The following ZNF19 variants were observed in gnomAD, a reference collection of about 807,000 sequenced individuals.
ZNF19 encodes zinc finger protein 19, also known as zinc finger protein 19 (KOX 12).
A neutral mutation model predicts 13.1 loss-of-function variants in ZNF19; 11 were observed. The ratio of observed to expected loss-of-function variants is 0.84; its 90% CI spans 0.53 to 1.39. The LOEUF is 1.39. Ranked by LOEUF, ZNF19 falls within the 40% of genes most tolerant of loss-of-function variation. The probability of loss-of-function intolerance (pLI) is 0.00; values close to 1 mark genes in which losing one functional copy is unlikely to be tolerated. For synonymous variants in ZNF19, 186 were observed against 187.0 expected (o/e 0.99, Z 0.04); for missense variants, 560 against 547.0 (o/e 1.02, Z -0.24).
Position 71,484,570 on chromosome 16 carries a change from G to T in ZNF19, c.-30+19C>A. The stretch of plus-strand genomic sequence containing the variant: ...CTGAGCCTAGCAAGGACTCCTAGGC[G>T]ACAAACCCCAACACTCACCTCAGGA... On this transcript the variant is annotated intron_variant, in intron 2 of 5. Transcript: ENST00000288177. 1 of 985,404 alleles carries T rather than the reference G, an allele frequency of 1.0e-6. No individual in the cohort carries two copies. Among genetic ancestry groups the T allele is most frequent in the Non-Finnish European group, 1.2e-6 (1 of 829,936 alleles). 61.0% of individuals were successfully genotyped at this position (985,404 alleles called of 1,614,324 possible). A position where few individuals can be genotyped will look rare whatever the true frequency, so the allele number is the denominator to read the frequency against.
intron 2 of ZNF19, among the ~76,000 whole-genome samples, chr16:71,484,006 T>C (rs1422211644): frequency 6.6e-6 from 1 of 152,228 alleles, no homozygotes; most frequent in Non-Finnish European, 1.5e-5. Context: ...CATGTTCTAG[T>C]AGTGAAGGAT....
At chr16:71,486,057 C>G (rs939184866) in intron 1 of ZNF19, among the ~76,000 whole-genome samples, 2 of 151,920 alleles carry the variant, frequency 1.3e-5, no homozygotes, top group African/African-American at 4.8e-5. Flanking sequence ...TTAAGATTAT[C>G]TTGGGGCTAG....
Position 71,489,261 on chromosome 16 carries a change from C to G in ZNF19, c.-190+11G>C. 1.0e-6 allele frequency: 1 copy of G among 985,618 alleles called. No homozygotes were observed. Among genetic ancestry groups the G allele is most frequent in the Non-Finnish European group, 1.2e-6 (1 of 830,042 alleles). The allele number at this position is 985,618 out of a possible 1,614,324, so 61.1% of individuals were successfully genotyped here. ...AGCTCCGCCCAACTGTGGGTCCTTG[C>G]ACTTTGGCACCTTTGAGCGCGGACT... On this transcript the variant is annotated intron_variant, in intron 1 of 5. Coordinates refer to ENST00000288177, the MANE Select transcript of ZNF19 (RefSeq NM_006961.4).
chr16:71,478,602 A>G (rs928093330), intron 4 of ZNF19: 6 of 667,920 alleles, frequency 9.0e-6, no homozygotes, highest in Middle Eastern at 7.6e-4. Flanking sequence ...GACAACAACT[A>G]CTACTTATTC....
Position 71,474,646 on chromosome 16 carries a change from T to C in ZNF19, c.*524A>G, listed in dbSNP as rs943336342. The C allele has an allele frequency of 6.4e-6, 1 of 156,996 alleles. No individual in the cohort carries two copies. The highest frequency in any genetic ancestry group is 2.4e-5 in the African/African-American group (1 of 41,450). The allele number at this position is 156,996 out of a possible 1,614,324, so 9.7% of individuals were successfully genotyped here. ...ATATATCATACACACAAAACATTTCTCCATCAGGTATGTTATCCCTGAAAA... is the reference window on the plus strand; with the variant it reads ...ATATATCATACACACAAAACATTTCCCCATCAGGTATGTTATCCCTGAAAA... On this transcript the variant is annotated 3_prime_UTR_variant, in exon 6 of 6. Coordinates refer to ENST00000288177, the MANE Select transcript of ZNF19 (RefSeq NM_006961.4).
intron 3 of ZNF19, among the ~76,000 whole-genome samples, chr16:71,479,893 G>C (rs993966080): frequency 4.0e-5 from 6 of 151,896 alleles, no homozygotes; most frequent in African/African-American, 1.5e-4. Flanking sequence ...TCCCAGCTCA[G>C]GTGATCCTCC....
In ZNF19 at chr16:71,474,974, C is replaced by T. The variant is rs1443022727; in HGVS notation, c.*196G>A. 44 of 628,484 alleles carry T rather than the reference C, an allele frequency of 7.0e-5. 1 individual carries two copies. Among genetic ancestry groups the T allele is most frequent in the South Asian group, 4.1e-4 (18 of 43,728 alleles). 38.9% of individuals were successfully genotyped at this position (628,484 alleles called of 1,614,324 possible). ...CAGCATTAAAACCAATGGGGGTGGGCGGGGGGAGAGTATTTGTTCCTATTA... is the reference window on the plus strand; with the variant it reads ...CAGCATTAAAACCAATGGGGGTGGGTGGGGGGAGAGTATTTGTTCCTATTA... On this transcript the variant is annotated 3_prime_UTR_variant, in exon 6 of 6. Coordinates refer to ENST00000288177, the MANE Select transcript of ZNF19 (RefSeq NM_006961.4).
At position 71,475,425 on chromosome 16, in the gene ZNF19, C is replaced by A. The variant is rs1238917356; in HGVS notation, c.1122G>T (p.Arg374Ser). Residue 374 changes from arginine (R) to serine (S), a missense_variant, in exon 6 of 6, where the codon AGG becomes AGT. Transcript: ENST00000288177. Reference sequence around the variant, plus strand: ...ACTCCTGAGTATGAATTCTCAGATGCCTTTTTAATTGTTCCTGAGCACTGA... The same window carrying A: ...ACTCCTGAGTATGAATTCTCAGATGACTTTTTAATTGTTCCTGAGCACTGA... ...KAFSAQEQLK[R>S]HLRIHTQESS... is the part of the protein sequence containing the mutation. 5 of 1,614,020 alleles carry A rather than the reference C, an allele frequency of 3.1e-6. No homozygotes were observed. Among genetic ancestry groups the A allele is most frequent in the Non-Finnish European group, 4.2e-6 (5 of 1,180,034 alleles).
At chr16:71,488,482 T>C (rs2043696430) in intron 1 of ZNF19, among the ~76,000 whole-genome samples, 1 of 151,740 alleles carries the variant, frequency 6.6e-6, no homozygotes, top group Non-Finnish European at 1.5e-5. Context: ...CCAAAGAATC[T>C]ACAAAACAAG....
rs766508266 is a variant in ZNF19 at position 71,478,324 on chromosome 16, G to C, written c.178C>G (p.Pro60Ala). Reference protein sequence around the residue: ...LTALGYPVPKPALISLLERGD... With the variant: ...LTALGYPVPKAALISLLERGD... The stretch of plus-strand genomic sequence containing the variant: ...CTCTCCAAAAGTGAGATCAGTGCAG[G>C]TTTGGGAACTGGGTACCCTGAAAAC... The change falls in exon 5 of 6, where the codon CCT (proline) becomes GCT (alanine). Residue 60 changes from proline (P) to alanine (A), a missense_variant. By Grantham distance (27) the Pro-to-Ala change is conservative. Coordinates refer to ENST00000288177, the MANE Select transcript of ZNF19 (RefSeq NM_006961.4). The C allele has an allele frequency of 1.9e-6, 3 of 1,613,720 alleles. No individual in the cohort carries two copies. Among genetic ancestry groups the C allele is most frequent in the Non-Finnish European group, 2.5e-6 (3 of 1,179,772 alleles).
Position 71,478,767 on chromosome 16 carries a change from G to A in ZNF19, c.160+112C>T, listed in dbSNP as rs117947104. 816 of 1,416,178 alleles carry A rather than the reference G, an allele frequency of 5.8e-4. 5 individuals are homozygous for A. In the East Asian group the frequency reaches 9.1e-3, roughly 16 times the overall value. 87.7% of individuals were successfully genotyped at this position (1,416,178 alleles called of 1,614,324 possible). On this transcript the variant is annotated intron_variant, in intron 4 of 5. Transcript: ENST00000288177. ...TCAGCTCTGCAGTCACTCAGTGGAGGACACAAGAGACAACCTCTCCTCTCC... is the reference window on the plus strand; with the variant it reads ...TCAGCTCTGCAGTCACTCAGTGGAGAACACAAGAGACAACCTCTCCTCTCC...
chr16:71,489,095 C>G (rs1287923258), intron 1 of ZNF19, 177 bp downstream of exon 1: 1 of 280,416 alleles, frequency 3.6e-6, no homozygotes, highest in African/African-American at 2.3e-5. Flanking sequence ...AGCGGCAAAG[C>G]TTGCAGCTGT....
chr16:71,478,355 G>T lies in ZNF19; in HGVS notation c.161-14C>A, dbSNP rs758851365. The T allele has an allele frequency of 1.8e-5, 29 of 1,589,758 alleles. No homozygotes were observed. Among genetic ancestry groups the T allele is most frequent in the Non-Finnish European group, 2.4e-5 (28 of 1,158,910 alleles). On this transcript the variant is annotated splice_polypyrimidine_tract_variant and intron_variant, in intron 4 of 5. Transcript: ENST00000288177. Reference sequence around the variant, plus strand: ...GAACTGGGTACCCTGAAAACAGGAAGAAAATGGTACTTTTCAGCCCTGTAT... The same window carrying T: ...GAACTGGGTACCCTGAAAACAGGAATAAAATGGTACTTTTCAGCCCTGTAT...
At chr16:71,479,078 A>C in intron 3 of ZNF19, 73 bp from the exon 4 acceptor site, 6 of 1,610,454 alleles carry the variant, frequency 3.7e-6, no homozygotes, top group Non-Finnish European at 5.1e-6. Flanking sequence ...CAGAGGGGAC[A>C]GGTAGGGACT....
intron 5 of ZNF19, chr16:71,477,996 C>T (rs1226812309): frequency 4.2e-6 from 2 of 476,342 alleles, no homozygotes; most frequent in East Asian, 7.3e-5. Context: ...AGGAGGACAA[C>T]TAAGGTAGGC....
intron 2 of ZNF19, among the ~76,000 whole-genome samples, chr16:71,484,212 G>T (rs1462718708): frequency 6.6e-6 from 1 of 152,242 alleles, no homozygotes; most frequent in Non-Finnish European, 1.5e-5. Context: ...AGCTTCCTGG[G>T]GGCGGGGCCC....
intron 2 of ZNF19, chr16:71,482,442 A>C: frequency 7.1e-6 from 2 of 281,436 alleles, no homozygotes; most frequent in Non-Finnish European, 1.3e-5. Flanking sequence ...GAAACCTAAC[A>C]AGAAGAATCT....
intron 2 of ZNF19, 43 bp from the exon 3 acceptor site, chr16:71,482,186 G>T: frequency 6.3e-7 from 1 of 1,592,470 alleles, no homozygotes; most frequent in African/African-American, 1.3e-5. Context: ...GCTCAGCCCA[G>T]TAAAATGCTC....
intron 1 of ZNF19, among the ~76,000 whole-genome samples, chr16:71,485,063 C>T (rs1311666524): frequency 6.6e-6 from 1 of 152,118 alleles, no homozygotes; most frequent in African/African-American, 2.4e-5. Flanking sequence ...ATTGTATGTT[C>T]ATTGGTTTTG....
Sources: allele counts gnomAD v4.1 joint callset (sites outside exome capture counted in the v4.1 genomes callset), GRCh38; gene constraint gnomAD v4.1.1; transcripts MANE v1.5; gene names NCBI Gene and HGNC (gene_info 2026-07-23, HGNC 2026-07-21).